Variants in AFF2 observed in about 807,000 individuals in gnomAD.
AFF2 encodes AF4/FMR2 family member 2.
Under a neutral mutation model 76.9 loss-of-function variants are expected in AFF2, and 14 were observed. The observed-to-expected ratio is 0.18, with a 90% confidence interval of 0.12 to 0.28. The LOEUF is 0.28. Among genes scored for constraint, AFF2 ranks in the 10% least tolerant of loss-of-function variants. The pLI is 1.00. For synonymous variants in AFF2, 398 were observed against 366.7 expected (o/e 1.09, Z -0.98); for missense variants, 868 against 1,001.1 (o/e 0.87, Z 1.79).
chrX:148,602,535 A>G (rs782375582), intron 1 of AFF2, among the ~76,000 whole-genome samples: 72 of 111,106 alleles, frequency 6.5e-4, no homozygotes, highest in African/African-American at 2.2e-3. Context: ...GTTGATTCTG[A>G]CTTGGGCCAG....
intron 9 of AFF2, among the ~76,000 whole-genome samples, chrX:148,935,651 G>A (rs919035825): frequency 9.9e-5 from 11 of 111,471 alleles, no homozygotes; most frequent in Admixed American, 2.9e-4. Context: ...AAGGCCAGAC[G>A]GGAAATCAGG....
In AFF2 at chrX:148,962,705, T is replaced by C. The variant is rs1557288169; in HGVS notation, c.2691-10T>C. On this transcript the variant is annotated splice_polypyrimidine_tract_variant and intron_variant, in intron 12 of 20. Coordinates refer to ENST00000370460, the MANE Select transcript of AFF2 (RefSeq NM_002025.4). ...ACTTTATGACACCCTACACTTCTTGTTTTTCACAGAAATAATTCATCCAGG... is the reference window on the plus strand; with the variant it reads ...ACTTTATGACACCCTACACTTCTTGCTTTTCACAGAAATAATTCATCCAGG... 6.7e-6 allele frequency: 8 copies of C among 1,190,872 alleles called. No individual in the cohort carries two copies. The highest frequency in any genetic ancestry group is 8.0e-6 in the Non-Finnish European group (7 of 877,524).
At chrX:148,758,769 A>G (rs782349856) in intron 3 of AFF2, among the ~76,000 whole-genome samples, 2 of 112,259 alleles carry the variant, frequency 1.8e-5, no homozygotes, top group African/African-American at 6.5e-5. Flanking sequence ...AGCATTTTGC[A>G]TGAATCATTT....
chrX:148,916,017 A>C lies in AFF2; in HGVS notation c.1397+11759A>C, dbSNP rs190047826. On this transcript the variant is annotated intron_variant, in intron 9 of 20. Transcript: ENST00000370460. ...AAAGCTATGTGTTTTTAAAATCAAC[A>C]CCCAAATAAGGGCCACCCTTACAAT... is the stretch of plus-strand genomic sequence containing the variant. Among the ~76,000 whole-genome samples the C allele has an allele frequency of 7.2e-5, 8 of 110,574 alleles. No homozygotes were observed. The East Asian group carries it at 2.0e-3, about 28-fold the overall frequency.
At position 148,700,985 on chromosome X, in the gene AFF2, GGA is replaced by G. The variant is rs34108020; in HGVS notation, c.1041+38242_1041+38243del. Among the ~76,000 whole-genome samples the G allele has an allele frequency of 6.9e-3, 568 of 81,754 alleles. 6 individuals are homozygous for G. Among genetic ancestry groups the G allele is most frequent in the African/African-American group, 0.024 (476 of 19,544 alleles). 71.0% of individuals were successfully genotyped at this position (81,754 alleles called of 115,157 possible). On this transcript the variant is annotated intron_variant, in intron 3 of 20. Coordinates refer to ENST00000370460, the MANE Select transcript of AFF2 (RefSeq NM_002025.4). ...TGAGAACTTTTTGGTAGGTATGATG[GGA>G]GAGAGAGAGAGAGAGAGAGAGAGAA... is the stretch of plus-strand genomic sequence containing the variant.
In AFF2 at chrX:148,973,773, A is replaced by G. The variant is rs190097737; in HGVS notation, c.3404+166A>G. On this transcript the variant is annotated intron_variant, in intron 16 of 20. Transcript: ENST00000370460. ...ATTTTATTAATATCATGGAAAATTT[A>G]TAATTGATGGATGCTGACTTTATAA... Among the ~76,000 whole-genome samples the G allele has an allele frequency of 2.7e-5, 3 of 112,560 alleles. No homozygotes were observed. In the East Asian group the frequency reaches 8.3e-4, roughly 31 times the overall value.
At chrX:148,961,301 T>C (rs16994872) in intron 12 of AFF2, among the ~76,000 whole-genome samples, 1,255 of 112,008 alleles carry the variant, frequency 0.011, 21 homozygotes, top group African/African-American at 0.038. Flanking sequence ...CCTTTGTAAT[T>C]ATTACACTTA....
chrX:148,920,791 T>C (rs1325150773), intron 9 of AFF2, among the ~76,000 whole-genome samples: 1 of 111,360 alleles, frequency 9.0e-6, no homozygotes, highest in Non-Finnish European at 1.9e-5. Context: ...CCATAGCTTA[T>C]TTGACCCTAG....
At chrX:148,767,526 G>T (rs909614087) in intron 3 of AFF2, among the ~76,000 whole-genome samples, 1 of 112,093 alleles carries the variant, frequency 8.9e-6, no homozygotes, top group Non-Finnish European at 1.9e-5. Flanking sequence ...AAGTTTCTCA[G>T]GGAATTTGCC....
chrX:148,624,431 G>C (rs782091652), intron 1 of AFF2, among the ~76,000 whole-genome samples: 1 of 111,804 alleles, frequency 8.9e-6, no homozygotes, highest in South Asian at 3.7e-4. Context: ...ATTTTACTTT[G>C]TATACCTGCT....
chrX:148,785,349 G>A (rs2069805212), intron 3 of AFF2, among the ~76,000 whole-genome samples: 1 of 111,855 alleles, frequency 8.9e-6, no homozygotes, highest in African/African-American at 3.3e-5. Context: ...CCTGGGAGGT[G>A]AAATTTAGGT....
At chrX:148,988,597 TAG>T (rs1296743053) in intron 20 of AFF2, among the ~76,000 whole-genome samples, 9 of 112,206 alleles carry the variant, frequency 8.0e-5, no homozygotes, top group African/African-American at 2.9e-4. Flanking sequence ...GTAAAGCACC[TAG>T]TATAAAATTC....
chrX:148,709,569 A>G (rs2054934416), intron 3 of AFF2, among the ~76,000 whole-genome samples: 1 of 112,467 alleles, frequency 8.9e-6, no homozygotes, highest in Non-Finnish European at 1.9e-5. Flanking sequence ...AGTGTATGAT[A>G]CATTGTAATC....
In AFF2 at chrX:148,548,108, A is replaced by G. The variant is rs180832980; in HGVS notation, c.47+46964A>G. 3.7e-3 allele frequency among the ~76,000 whole-genome samples: 412 copies of G among 112,557 alleles called. 1 individual carries two copies. Among genetic ancestry groups the G allele is most frequent in the African/African-American group, 0.013 (399 of 31,010 alleles). ...TGCAAGTCAATTGTTTTTGCCTAAA[A>G]TTATTTCAGCAAGCTTTGTGCTGTA... On this transcript the variant is annotated intron_variant, in intron 1 of 20. Coordinates refer to ENST00000370460, the MANE Select transcript of AFF2 (RefSeq NM_002025.4).
intron 8 of AFF2, among the ~76,000 whole-genome samples, chrX:148,887,859 C>T (rs1183495177): frequency 2.7e-5 from 3 of 111,663 alleles, no homozygotes; most frequent in African/African-American, 9.8e-5. Flanking sequence ...GCAAATGAAC[C>T]CTCCTTGTAG....
rs1250978932 is a variant in AFF2, at chrX:148,692,346, G to T, written c.1041+29578G>T. 3.6e-5 allele frequency among the ~76,000 whole-genome samples: 4 copies of T among 111,792 alleles called. No individual in the cohort carries two copies. In the Admixed American group the frequency reaches 3.8e-4, roughly 11 times the overall value. On this transcript the variant is annotated intron_variant, in intron 3 of 20. Transcript: ENST00000370460. ...GGGATACATGATTTTCCTCAAGAAT[G>T]CAAACAAAGCAAAATCTTTAGGATT...
intron 3 of AFF2, among the ~76,000 whole-genome samples, chrX:148,702,605 C>T (rs957026951): frequency 1.8e-5 from 2 of 111,637 alleles, no homozygotes; most frequent in African/African-American, 6.5e-5. Context: ...AAAGCCCTTC[C>T]AGATATCTCC....
At chrX:148,784,884 A>G (rs193236860) in intron 3 of AFF2, among the ~76,000 whole-genome samples, 2 of 111,427 alleles carry the variant, frequency 1.8e-5, no homozygotes, top group South Asian at 7.7e-4. Context: ...GTCTCCATGC[A>G]CGGGCTGCCC....
chrX:148,766,870 T>A (rs782412238), intron 3 of AFF2, among the ~76,000 whole-genome samples: 2 of 112,086 alleles, frequency 1.8e-5, no homozygotes, highest in African/African-American at 6.5e-5. Context: ...TACTCAGAAG[T>A]GCCAAAAGAA....
Sources: gnomAD v4.1 joint callset for allele counts (sites outside exome capture counted in the v4.1 genomes callset) on GRCh38, gnomAD v4.1.1 for gene constraint, MANE v1.5 for transcripts, NCBI Gene and HGNC (gene_info 2026-07-23, HGNC 2026-07-21) for gene names.